Variants in TRERF1 observed in about 807,000 individuals in gnomAD.
TRERF1 encodes transcriptional regulating factor 1.
TRERF1 carries 27 observed loss-of-function variants against 122.9 expected under a neutral mutation model. That is an observed-to-expected ratio of 0.22 (90% CI 0.16 to 0.30). The LOEUF is 0.30. TRERF1 is among the 10% of genes least tolerant of loss of function. TRERF1 has a pLI of 1.00. For synonymous variants in TRERF1, 636 were observed against 641.7 expected (o/e 0.99, Z 0.13); for missense variants, 1,248 against 1,560.3 (o/e 0.80, Z 3.37).
chr6:42,344,848 C>A (rs1320971262), intron 3 of TRERF1, among the ~76,000 whole-genome samples: 1 of 152,180 alleles, frequency 6.6e-6, no homozygotes, highest in Non-Finnish European at 1.5e-5. Context: ...TACCTTCTAA[C>A]CTTCTACATA....
chr6:42,293,705 T>C (rs1784649468), intron 4 of TRERF1, among the ~76,000 whole-genome samples: 1 of 151,940 alleles, frequency 6.6e-6, no homozygotes. Flanking sequence ...CATTTTCAGA[T>C]GGGGTTCTTT....
intron 12 of TRERF1, among the ~76,000 whole-genome samples, chr6:42,256,394 GC>G (rs1475407330): frequency 6.6e-6 from 1 of 152,170 alleles, no homozygotes; most frequent in African/African-American, 2.4e-5. Context: ...ACCAACTTCT[GC>G]TTCAGTAAAG....
intron 4 of TRERF1, among the ~76,000 whole-genome samples, chr6:42,283,807 G>T (rs1292111725): frequency 1.3e-5 from 2 of 151,574 alleles, no homozygotes; most frequent in Non-Finnish European, 2.9e-5. Context: ...GTAGAGACGG[G>T]GTTTCTCCAT....
chr6:42,225,567 C>T (rs949277624), exon 18 of TRERF1: 1 of 151,688 alleles, frequency 6.6e-6, no homozygotes, highest in African/African-American at 2.4e-5. Context: ...GTTAAGCACA[C>T]TAGATATTAT....
intron 14 of TRERF1, among the ~76,000 whole-genome samples, chr6:42,243,775 T>A (rs924926553): frequency 2.6e-5 from 4 of 151,236 alleles, no homozygotes; most frequent in African/African-American, 9.7e-5. Flanking sequence ...AGAGACGGGG[T>A]TTCATTGTGT....
At chr6:42,385,169 G>C (rs1776588747) in intron 2 of TRERF1, among the ~76,000 whole-genome samples, 1 of 152,020 alleles carries the variant, frequency 6.6e-6, no homozygotes, top group Non-Finnish European at 1.5e-5. Flanking sequence ...CAGAGGCGGG[G>C]TTTTGCCATG....
At chr6:42,234,173 T>G (rs1771528179) in intron 16 of TRERF1, among the ~76,000 whole-genome samples, 1 of 152,134 alleles carries the variant, frequency 6.6e-6, no homozygotes, top group Admixed American at 6.5e-5. Context: ...TCATCCCCAG[T>G]TCAGAACCAC....
intron 3 of TRERF1, among the ~76,000 whole-genome samples, chr6:42,322,098 C>A (rs190420402): frequency 6.6e-6 from 1 of 152,086 alleles, no homozygotes; most frequent in Admixed American, 6.5e-5. Context: ...TTTTACTGCA[C>A]CGGGACTCAG....
intron 2 of TRERF1, among the ~76,000 whole-genome samples, chr6:42,418,323 T>C (rs1215350182): frequency 1.4e-5 from 2 of 145,968 alleles, no homozygotes; most frequent in South Asian, 2.3e-4. Context: ...CAGCTAGAGT[T>C]CAATGGCGCG....
intron 2 of TRERF1, among the ~76,000 whole-genome samples, chr6:42,445,345 C>CACACCCAG (rs1562225848): frequency 1.5e-5 from 1 of 66,370 alleles, no homozygotes; most frequent in Non-Finnish European, 4.0e-5. Flanking sequence ...GGAAACACTA[C>CACACCCAG]ACACACAGAC....
intron 3 of TRERF1, among the ~76,000 whole-genome samples, chr6:42,318,553 G>A (rs1011753924): frequency 6.6e-6 from 1 of 152,194 alleles, no homozygotes; most frequent in Non-Finnish European, 1.5e-5. Context: ...AAGGAAATGT[G>A]GGTTAGGTCC....
chr6:42,268,474 A>G lies in TRERF1; in HGVS notation c.1117T>C (p.Ser373Pro). Residue 373 changes from serine (S) to proline (P), a missense_variant, in exon 5 of 18, where the codon TCC (serine) becomes CCC (proline). By Grantham distance (74) the Ser-to-Pro change is moderately conservative. Coordinates refer to ENST00000372922, the Ensembl canonical transcript of TRERF1. The surrounding 1 kb of genome is among the most constrained non-coding windows in gnomAD (Gnocchi z 4.4). The stretch of plus-strand genomic sequence containing the variant: ...TCCTGGTAGTAGTACTGGGACATGG[A>G]GCCCAGGGGAATCAGCTGGACAGTG... The G allele has an allele frequency of 6.2e-7, 1 of 1,602,672 alleles. No homozygotes were observed. Among genetic ancestry groups the G allele is most frequent in the Non-Finnish European group, 8.5e-7 (1 of 1,173,226 alleles).
chr6:42,321,043 A>T, intron 3 of TRERF1, among the ~76,000 whole-genome samples: 1 of 152,072 alleles, frequency 6.6e-6, no homozygotes, highest in East Asian at 1.9e-4. Context: ...GGAGGGCAGG[A>T]ATCAGATAGG....
intron 2 of TRERF1, among the ~76,000 whole-genome samples, chr6:42,439,091 C>A (rs1297523425): frequency 1.3e-5 from 2 of 152,180 alleles, no homozygotes; most frequent in South Asian, 4.1e-4. Context: ...CAGGCCATGC[C>A]GTAGAAAGAT....
intron 3 of TRERF1, among the ~76,000 whole-genome samples, chr6:42,319,955 G>A (rs551061958): frequency 2.0e-5 from 3 of 151,868 alleles, no homozygotes; most frequent in South Asian, 2.1e-4. Context: ...AGGCTGGAGT[G>A]CAGTGGTGTG....
intron 2 of TRERF1, among the ~76,000 whole-genome samples, chr6:42,388,453 C>T (rs1333739697): frequency 6.6e-6 from 1 of 152,012 alleles, no homozygotes; most frequent in African/African-American, 2.4e-5. Context: ...GCACAGTTGC[C>T]GCCAACCACA....
At chr6:42,388,937 T>C (rs1269930149) in intron 2 of TRERF1, among the ~76,000 whole-genome samples, 1 of 152,012 alleles carries the variant, frequency 6.6e-6, no homozygotes, top group Non-Finnish European at 1.5e-5. Context: ...GTGGATCAGT[T>C]TGGATGCACT....
intron 8 of TRERF1, among the ~76,000 whole-genome samples, chr6:42,260,503 C>T (rs773628838): frequency 2.0e-5 from 3 of 152,154 alleles, no homozygotes; most frequent in Non-Finnish European, 4.4e-5. Flanking sequence ...AACATAGGCA[C>T]GTAAACAGAT....
intron 2 of TRERF1, among the ~76,000 whole-genome samples, chr6:42,384,444 T>C (rs539528387): frequency 6.6e-6 from 1 of 152,320 alleles, no homozygotes; most frequent in South Asian, 2.1e-4. Flanking sequence ...TACATATTCA[T>C]ATACACATTT....
Sources: allele counts gnomAD v4.1 joint callset (sites outside exome capture counted in the v4.1 genomes callset), GRCh38; gene constraint gnomAD v4.1.1; non-coding constraint Gnocchi (gnomAD v3.1); transcripts MANE v1.5; gene names NCBI Gene and HGNC (gene_info 2026-07-23, HGNC 2026-07-21).